EDARADD: variants seen among roughly 807,000 people sequenced by gnomAD.
EDARADD encodes EDAR associated via death domain.
In EDARADD, 20 loss-of-function variants were observed where a neutral mutation model predicts 25.6. That is an observed-to-expected ratio of 0.78 (90% CI 0.55 to 1.14). EDARADD has a LOEUF of 1.14. EDARADD is among the 50% of genes most tolerant of loss of function. EDARADD has a pLI of 0.00. For missense variants in EDARADD, 225 were observed against 270.1 expected (o/e 0.83, Z 1.17); for synonymous variants, 86 against 94.4 (o/e 0.91, Z 0.52).
intron 3 of EDARADD, among the ~76,000 whole-genome samples, chr1:236,426,535 T>C (rs1307236745): frequency 2.6e-5 from 4 of 152,198 alleles, no homozygotes; most frequent in African/African-American, 9.7e-5. Flanking sequence ...TAGGCTGCCT[T>C]CTGGTTCCCA....
intron 3 of EDARADD, among the ~76,000 whole-genome samples, chr1:236,363,761 TC>T (rs1667081256): frequency 6.6e-6 from 1 of 152,078 alleles, no homozygotes; most frequent in Admixed American, 6.6e-5. Context: ...CCTTTTGCCT[TC>T]TGCCACGGTT....
intron 4 of EDARADD, among the ~76,000 whole-genome samples, chr1:236,452,992 T>C (rs1658754240): frequency 6.6e-6 from 1 of 152,228 alleles, no homozygotes; most frequent in African/African-American, 2.4e-5. Context: ...TGTCACGATG[T>C]GAGTACTTGC....
At chr1:236,413,700 A>G (rs147472216) in intron 2 of EDARADD, among the ~76,000 whole-genome samples, 13 of 152,356 alleles carry the variant, frequency 8.5e-5, no homozygotes, top group Non-Finnish European at 1.9e-4. Flanking sequence ...GCTATTTTGA[A>G]TTCCTGTAAC....
At chr1:236,362,713 A>T (rs544177846) in intron 3 of EDARADD, among the ~76,000 whole-genome samples, 5 of 152,038 alleles carry the variant, frequency 3.3e-5, no homozygotes, top group South Asian at 4.2e-4. Context: ...TTTTGAGTTA[A>T]TTTTTGTATA....
At chr1:236,475,201 T>C (rs1399649073) in intron 5 of EDARADD, among the ~76,000 whole-genome samples, 1 of 152,150 alleles carries the variant, frequency 6.6e-6, no homozygotes, top group Non-Finnish European at 1.5e-5. Context: ...TTTTTCTCCA[T>C]TTTTGAGAAA....
intron 3 of EDARADD, among the ~76,000 whole-genome samples, chr1:236,358,430 A>G (rs191144621): frequency 4.6e-5 from 7 of 152,326 alleles, no homozygotes; most frequent in Admixed American, 3.9e-4. Context: ...GTCTTCTGCT[A>G]GCTTTGGCAT....
chr1:236,386,689 C>A (rs1261437818), intron 3 of EDARADD, among the ~76,000 whole-genome samples: 2 of 23,646 alleles, frequency 8.5e-5, no homozygotes, highest in African/African-American at 2.7e-4. Context: ...ACCGCCCCGT[C>A]TGAGAAGTGA....
At chr1:236,378,619 A>G (rs1667253835) in intron 3 of EDARADD, among the ~76,000 whole-genome samples, 1 of 152,168 alleles carries the variant, frequency 6.6e-6, no homozygotes, top group African/African-American at 2.4e-5. Context: ...GATGACTTCC[A>G]AGCTCCCTGC....
intron 4 of EDARADD, among the ~76,000 whole-genome samples, chr1:236,451,622 C>T (rs1297245705): frequency 6.6e-6 from 1 of 151,890 alleles, no homozygotes; most frequent in Non-Finnish European, 1.5e-5. Context: ...GGGGTTTTGC[C>T]ATGTTGCCCA....
rs144109326 is a variant in EDARADD, at chr1:236,453,432, G to A, written c.220-14799G>A. Among the ~76,000 whole-genome samples the A allele has an allele frequency of 1.2e-3, 189 of 151,810 alleles. 2 individuals are homozygous for A. In the South Asian group the frequency reaches 0.014, roughly 11 times the overall value. ...GCTGGGATTACAGGCGCGCACCACC[G>A]TGCCAAGGTTAATTATTGTATTTCT... is the stretch of plus-strand genomic sequence containing the variant. On this transcript the variant is annotated intron_variant, in intron 4 of 5. Transcript: ENST00000334232.
At chr1:236,447,233 C>CTTTCTTT (rs59368020) in intron 4 of EDARADD, among the ~76,000 whole-genome samples, 3,197 of 104,086 alleles carry the variant, frequency 0.031, 118 homozygotes, top group Middle Eastern at 0.072. Flanking sequence ...TCCTTTCTTT[C>CTTTCTTT]CTTTCTTTCC....
intron 3 of EDARADD, among the ~76,000 whole-genome samples, chr1:236,366,556 T>C (rs764886378): frequency 6.6e-6 from 1 of 150,464 alleles, no homozygotes; most frequent in Non-Finnish European, 1.5e-5. Flanking sequence ...CCACGGATCT[T>C]TGTGCAGCCC....
At chr1:236,405,866 C>CT (rs1667716116) in intron 1 of EDARADD, among the ~76,000 whole-genome samples, 1 of 40,822 alleles carries the variant, frequency 2.4e-5, no homozygotes, top group African/African-American at 1.2e-4. Flanking sequence ...TCCTTCCTTC[C>CT]TTCCTTCCTT....
At position 236,395,283 on chromosome 1, in the gene EDARADD, G is replaced by C. The variant is rs1667492893; in HGVS notation, c.61+778G>C. ...GACGTGGGTACCGGGCAGGACGCGCGCTCTGGGCGCTGGGGACGCCCGGGA... is the reference window on the plus strand; with the variant it reads ...GACGTGGGTACCGGGCAGGACGCGCCCTCTGGGCGCTGGGGACGCCCGGGA... On this transcript the variant is annotated intron_variant, in intron 1 of 5. Transcript: ENST00000334232. The surrounding 1 kb of genome is among the most constrained non-coding windows in gnomAD (Gnocchi z 6.9). The C allele has an allele frequency of 9.3e-7, 1 of 1,080,936 alleles. No homozygotes were observed. The allele number at this position is 1,080,936 out of a possible 1,614,324, so 67.0% of individuals were successfully genotyped here.
chr1:236,405,777 CTTTCTTTCTTT>C (rs758684763), intron 1 of EDARADD, among the ~76,000 whole-genome samples: 27 of 68,180 alleles, frequency 4.0e-4, no homozygotes, highest in South Asian at 5.9e-4. Context: ...TTCTTTCTTT[CTTTCTTTCTTT>C]CTTTTCTTTT....
chr1:236,368,763 CTT>C (rs1667141939), intron 3 of EDARADD, among the ~76,000 whole-genome samples: 1 of 152,200 alleles, frequency 6.6e-6, no homozygotes, highest in Non-Finnish European at 1.5e-5. Flanking sequence ...TCTTACAACA[CTT>C]TTACCTCTTG....
chr1:236,419,696 G>A (rs1367321049), intron 3 of EDARADD, among the ~76,000 whole-genome samples: 3 of 152,182 alleles, frequency 2.0e-5, no homozygotes, highest in Non-Finnish European at 1.5e-5. Flanking sequence ...TGGGTCAGAT[G>A]GTGACCGCTC....
In EDARADD at chr1:236,395,793, C is replaced by T. The variant is rs1558109028; in HGVS notation, c.61+1288C>T. 4 of 843,926 alleles carry T rather than the reference C, an allele frequency of 4.7e-6. No homozygotes were observed. Among genetic ancestry groups the T allele is most frequent in the African/African-American group, 3.7e-5 (2 of 54,516 alleles). 52.3% of individuals were successfully genotyped at this position (843,926 alleles called of 1,614,324 possible). A position where few individuals can be genotyped will look rare whatever the true frequency, so the allele number is the denominator to read the frequency against. On this transcript the variant is annotated intron_variant, in intron 1 of 5. Coordinates refer to ENST00000334232, the MANE Select transcript of EDARADD (RefSeq NM_145861.4). The surrounding 1 kb of genome is among the most constrained non-coding windows in gnomAD (Gnocchi z 6.9). ...CCCCGAGGGAGGCCCGGGAACCACC[C>T]CCGACCCAGGCGCCAGACCCGGAGT...
rs1422473026 is a variant in EDARADD, at chr1:236,483,376, A to G, written c.*727A>G. 1 of 1,437,108 alleles carries G rather than the reference A, an allele frequency of 7.0e-7. No homozygotes were observed. The highest frequency in any genetic ancestry group is 2.3e-5 in the East Asian group (1 of 43,958). The allele number at this position is 1,437,108 out of a possible 1,614,324, so 89.0% of individuals were successfully genotyped here. On this transcript the variant is annotated 3_prime_UTR_variant, in exon 6 of 6. Coordinates refer to ENST00000334232, the MANE Select transcript of EDARADD (RefSeq NM_145861.4). ...TCAAAGCCTGTTGAGCCCATCAATA[A>G]AACTATTGCACCTGTCCTGGTTAGC...
Sources: allele counts gnomAD v4.1 joint callset (sites outside exome capture counted in the v4.1 genomes callset), GRCh38; gene constraint gnomAD v4.1.1; non-coding constraint Gnocchi (gnomAD v3.1); transcripts MANE v1.5; gene names NCBI Gene and HGNC (gene_info 2026-07-23, HGNC 2026-07-21).